Variants in WDR88 observed in about 807,000 individuals in gnomAD.
WDR88 encodes WD repeat domain 88, also known as WD repeat-containing protein 88.
WDR88 carries 40 observed loss-of-function variants against 46.8 expected under a neutral mutation model. That is an observed-to-expected ratio of 0.86 (90% CI 0.66 to 1.11). The LOEUF is 1.11. Ranked by LOEUF, WDR88 falls within the 50% of genes most tolerant of loss-of-function variation. The pLI is 0.00. For synonymous variants in WDR88, 235 were observed against 240.7 expected (o/e 0.98, Z 0.22); for missense variants, 562 against 602.4 (o/e 0.93, Z 0.70).
chr19:33,137,206 C>A (rs1381659815), intron 1 of WDR88, among the ~76,000 whole-genome samples: 1 of 151,358 alleles, frequency 6.6e-6, no homozygotes, highest in Non-Finnish European at 1.5e-5. Context: ...CCTGCCCCAG[C>A]CTCCCAGAAT....
intron 2 of WDR88, among the ~76,000 whole-genome samples, chr19:33,142,609 T>C (rs1215283617): frequency 6.6e-6 from 1 of 151,672 alleles, no homozygotes; most frequent in Admixed American, 6.6e-5. Flanking sequence ...TCTCTAATCT[T>C]GGGACAACAA....
chr19:33,132,439 C>T lies in WDR88; in HGVS notation c.270C>T (p.Leu90=), dbSNP rs577646792. ...EKLIWGDQDP[L]SKIPFKILSG... ...TGATCTGGGGCGACCAGGACCCTCT[C>T]TCCAAGGTCAGAACCGCCGCTGGGG... The change falls in exon 1 of 11, where the codon CTC becomes CTT. Residue 90 remains leucine (L), a synonymous_variant. Coordinates refer to ENST00000355868, the MANE Select transcript of WDR88 (RefSeq NM_173479.4). The T allele has an allele frequency of 4.3e-6, 7 of 1,613,702 alleles. No homozygotes were observed. The highest frequency in any genetic ancestry group is 2.7e-5 in the African/African-American group (2 of 75,066).
rs540775782 is a variant in WDR88 at position 33,135,560 on chromosome 19, G to T, written c.277-2117G>T. Among the ~76,000 whole-genome samples the T allele has an allele frequency of 4.6e-5, 7 of 152,044 alleles. No individual in the cohort carries two copies. The East Asian group carries it at 1.4e-3, about 30-fold the overall frequency. ...CAGTCTCCCAGTAGCTGGGCTTACA[G>T]GCATGTGCCACCATGCCCGGCTAAT... is the stretch of plus-strand genomic sequence containing the variant. On this transcript the variant is annotated intron_variant, in intron 1 of 10. Coordinates refer to ENST00000355868, the MANE Select transcript of WDR88 (RefSeq NM_173479.4).
intron 2 of WDR88, among the ~76,000 whole-genome samples, chr19:33,139,093 G>C (rs1338183700): frequency 6.6e-6 from 1 of 152,214 alleles, no homozygotes; most frequent in Non-Finnish European, 1.5e-5. Context: ...ACAGAGACTG[G>C]ATGGCCAGGT....
intron 10 of WDR88, among the ~76,000 whole-genome samples, chr19:33,173,331 T>C (rs1974071912): frequency 6.6e-6 from 1 of 152,076 alleles, no homozygotes. Context: ...CCACTTCCCA[T>C]GCAAAAGGCT....
intron 9 of WDR88, among the ~76,000 whole-genome samples, chr19:33,170,999 T>TTA (rs1568372596): frequency 1.3e-5 from 2 of 152,126 alleles, no homozygotes; most frequent in African/African-American, 4.8e-5. Flanking sequence ...TATTATTATT[T>TTA]TTTTGAGACA....
At chr19:33,134,055 A>G (rs149427395) in intron 1 of WDR88, among the ~76,000 whole-genome samples, 59 of 152,324 alleles carry the variant, frequency 3.9e-4, no homozygotes, top group Middle Eastern at 3.4e-3. Context: ...ATGTGAATGA[A>G]CGCTACGCAT....
intron 7 of WDR88, among the ~76,000 whole-genome samples, chr19:33,157,513 GTAT>G (rs1973759996): frequency 1.1e-5 from 1 of 92,708 alleles, no homozygotes; most frequent in East Asian, 4.5e-4. Flanking sequence ...ATATATATAT[GTAT>G]ATATATGTGT....
At chr19:33,133,809 C>T (rs1286712108) in intron 1 of WDR88, among the ~76,000 whole-genome samples, 3 of 152,176 alleles carry the variant, frequency 2.0e-5, no homozygotes, top group Admixed American at 6.5e-5. Flanking sequence ...CCTGCCCCCA[C>T]GGTATTGCGC....
At chr19:33,173,089 C>A in intron 10 of WDR88, among the ~76,000 whole-genome samples, 1 of 50,534 alleles carries the variant, frequency 2.0e-5, no homozygotes, top group Non-Finnish European at 3.1e-5. Context: ...GAGACTCTGT[C>A]TCAAAAAAAA....
At chr19:33,135,789 T>C (rs749850708) in intron 1 of WDR88, among the ~76,000 whole-genome samples, 15 of 152,222 alleles carry the variant, frequency 9.9e-5, no homozygotes, top group Non-Finnish European at 1.9e-4. Context: ...TTCCAACTAT[T>C]GGCATCCTTG....
chr19:33,145,040 T>G, intron 3 of WDR88, 108 bp downstream of exon 3: 2 of 1,040,716 alleles, frequency 1.9e-6, no homozygotes, highest in South Asian at 2.8e-5. Context: ...AGATATGGGG[T>G]CTCACCATGT....
intron 10 of WDR88, among the ~76,000 whole-genome samples, chr19:33,173,775 G>A (rs1974079122): frequency 6.6e-6 from 1 of 152,272 alleles, no homozygotes; most frequent in African/African-American, 2.4e-5. Context: ...TCCTCTGTGA[G>A]CCCTGTTGTT....
intron 9 of WDR88, among the ~76,000 whole-genome samples, chr19:33,171,758 C>T (rs1974042164): frequency 6.8e-6 from 1 of 148,086 alleles, no homozygotes; most frequent in African/African-American, 2.6e-5. Context: ...TCCACCAATA[C>T]AGTGTCATAT....
At chr19:33,175,011 G>T (rs912405204) in intron 10 of WDR88, 1 of 984,992 alleles carries the variant, frequency 1.0e-6, no homozygotes, top group African/African-American at 1.7e-5. Context: ...AAGGTGGGTG[G>T]ATCACTTGAG....
At chr19:33,171,583 A>C (rs964902112) in intron 9 of WDR88, among the ~76,000 whole-genome samples, 3 of 152,220 alleles carry the variant, frequency 2.0e-5, no homozygotes, top group African/African-American at 7.2e-5. Flanking sequence ...TAAATTTAAT[A>C]TCTTACAGTA....
intron 1 of WDR88, among the ~76,000 whole-genome samples, chr19:33,135,350 A>G (rs141925303): frequency 1.7e-3 from 255 of 152,238 alleles, no homozygotes; most frequent in African/African-American, 5.7e-3. Flanking sequence ...AGGTTCATCC[A>G]TGTTGTAGCC....
chr19:33,155,173 C>T (rs1261065297), intron 6 of WDR88, among the ~76,000 whole-genome samples: 1 of 152,142 alleles, frequency 6.6e-6, no homozygotes, highest in African/African-American at 2.4e-5. Context: ...TAGAGTCTTG[C>T]ACTGTTGCCC....
intron 9 of WDR88, among the ~76,000 whole-genome samples, chr19:33,170,590 G>T (rs1327464874): frequency 6.6e-6 from 1 of 152,048 alleles, no homozygotes; most frequent in Non-Finnish European, 1.5e-5. Flanking sequence ...GCTGGGCACG[G>T]TGGCTCATGC....
Sources: allele counts gnomAD v4.1 joint callset (sites outside exome capture counted in the v4.1 genomes callset), GRCh38; gene constraint gnomAD v4.1.1; transcripts MANE v1.5; gene names NCBI Gene and HGNC (gene_info 2026-07-23, HGNC 2026-07-21).